The following CLN8 variants were observed in gnomAD, a reference collection of about 807,000 sequenced individuals.
CLN8 encodes CLN8 transmembrane ER and ERGIC protein.
CLN8 carries 14 observed loss-of-function variants against 15.7 expected under a neutral mutation model. That is an observed-to-expected ratio of 0.89 (90% CI 0.59 to 1.39). The LOEUF (loss-of-function observed/expected upper bound fraction) is 1.39. CLN8 is among the 40% of genes most tolerant of loss of function. CLN8 has a pLI of 0.00. For missense variants in CLN8, 415 were observed against 364.0 expected, an observed-to-expected ratio of 1.14 and a Z score of -1.14; for synonymous variants, 188 against 151.0, an observed-to-expected ratio of 1.25 and a Z score of -1.80.
intron 1 of CLN8, among the ~76,000 whole-genome samples, chr8:1,757,075 C>T (rs1365232832): frequency 1.3e-5 from 2 of 152,158 alleles, no homozygotes; most frequent in South Asian, 2.1e-4. Context: ...GGAGAGCAGG[C>T]CTATTTGGGG....
chr8:1,784,284 C>CA lies in CLN8; in HGVS notation c.*3730dup, dbSNP rs772524622. The stretch of plus-strand genomic sequence containing the variant: ...TGGGTGACACAGTGAGACTCCATCT[C>CA]AAAAAAAAAAAAAGAACGGACATCA... On this transcript the variant is annotated 3_prime_UTR_variant, in exon 3 of 3. Coordinates refer to ENST00000331222, the MANE Select transcript of CLN8 (RefSeq NM_018941.4). 0.014 allele frequency: 1,875 copies of CA among 131,784 alleles called. 22 individuals are homozygous for CA. Among genetic ancestry groups the CA allele is most frequent in the South Asian group, 0.035 (145 of 4,170 alleles). 8.2% of individuals were successfully genotyped at this position (131,784 alleles called of 1,614,324 possible). A position where few individuals can be genotyped will look rare whatever the true frequency, so the allele number is the denominator to read the frequency against.
At chr8:1,757,085 G>A (rs1273626470) in intron 1 of CLN8, among the ~76,000 whole-genome samples, 3 of 152,174 alleles carry the variant, frequency 2.0e-5, no homozygotes, top group Non-Finnish European at 2.9e-5. Flanking sequence ...CCTATTTGGG[G>A]CAGCGGAAAG....
Position 1,784,708 on chromosome 8 carries a change from G to T in CLN8, c.*4141G>T, listed in dbSNP as rs1801787075. 6.6e-6 allele frequency: 1 copy of T among 152,590 alleles called. No homozygotes were observed. The highest frequency in any genetic ancestry group is 2.4e-5 in the African/African-American group (1 of 41,470). The allele number at this position is 152,590 out of a possible 1,614,324, so 9.5% of individuals were successfully genotyped here. On this transcript the variant is annotated 3_prime_UTR_variant, in exon 3 of 3. Transcript: ENST00000331222. The stretch of plus-strand genomic sequence containing the variant: ...GCAGTAGGGAGTGGATGAACCAGTA[G>T]TACCCAGGGCTGCCAGGCAGGGCCC...
At chr8:1,773,049 C>T (rs1801376599) in intron 2 of CLN8, 3 of 397,820 alleles carry the variant, frequency 7.5e-6, no homozygotes, top group South Asian at 1.3e-4. Context: ...ACTGTTCATG[C>T]ATAACCACCA....
At chr8:1,768,324 T>A (rs1004143633) in intron 1 of CLN8, among the ~76,000 whole-genome samples, 1 of 152,172 alleles carries the variant, frequency 6.6e-6, no homozygotes, top group African/African-American at 2.4e-5. Flanking sequence ...GGTTTTTGGT[T>A]CTCATGTCCT....
At chr8:1,765,116 T>C (rs1563103299) in intron 1 of CLN8, 1 of 152,178 alleles carries the variant, frequency 6.6e-6, no homozygotes, top group Non-Finnish European at 1.5e-5. Flanking sequence ...TTCCTGAGCA[T>C]CCAGTTTCCA....
intron 2 of CLN8, among the ~76,000 whole-genome samples, chr8:1,772,313 GGTT>G (rs1377959863): frequency 1.3e-4 from 20 of 152,138 alleles, no homozygotes; most frequent in African/African-American, 4.6e-4. Flanking sequence ...TTTTGAATAA[GGTT>G]GTTGTACTAG....
At chr8:1,753,246 A>C (rs1014413766), upstream of CLN8, among the ~76,000 whole-genome samples, 2 of 152,116 alleles carry the variant, frequency 1.3e-5, no homozygotes, top group African/African-American at 4.8e-5. Flanking sequence ...CATTATTTTT[A>C]TTAGGAGTTC....
rs1563115100 is a variant in CLN8 at position 1,781,099 on chromosome 8, C to CCT, written c.*532_*533insCT. On this transcript the variant is annotated 3_prime_UTR_variant, in exon 3 of 3. Coordinates refer to ENST00000331222, the MANE Select transcript of CLN8 (RefSeq NM_018941.4). ...GCTGGGTGGGGTGGCTCACACCCGA[C>CCT]GTAATCCCAGCACGTTGGGAGGCCG... 2 of 155,136 alleles carry CCT rather than the reference C, an allele frequency of 1.3e-5. No individual in the cohort carries two copies. The highest frequency in any genetic ancestry group is 4.8e-5 in the African/African-American group (2 of 41,394). The allele number at this position is 155,136 out of a possible 1,614,324, so 9.6% of individuals were successfully genotyped here. A position where few individuals can be genotyped will look rare whatever the true frequency, so the allele number is the denominator to read the frequency against.
At position 1,780,725 on chromosome 8, in the gene CLN8, T is replaced by G. The variant is rs1431713705; in HGVS notation, c.*158T>G. The G allele has an allele frequency of 2.9e-6, 2 of 688,188 alleles. No homozygotes were observed. The highest frequency in any genetic ancestry group is 2.4e-6 in the Non-Finnish European group (1 of 416,056). 42.6% of individuals were successfully genotyped at this position (688,188 alleles called of 1,614,324 possible). ...TTTCGCATTAGTATTAATTTTGAAGTAGCTACAAAGTATTTTTAAGAAATT... is the reference window on the plus strand; with the variant it reads ...TTTCGCATTAGTATTAATTTTGAAGGAGCTACAAAGTATTTTTAAGAAATT... On this transcript the variant is annotated 3_prime_UTR_variant, in exon 3 of 3. Transcript: ENST00000331222.
rs746397087 is a variant in CLN8 at position 1,780,469 on chromosome 8, C to T, written c.763C>T (p.Gln255Ter). The T allele has an allele frequency of 1.9e-6, 3 of 1,614,256 alleles. No individual in the cohort carries two copies. Among genetic ancestry groups the T allele is most frequent in the South Asian group, 1.1e-5 (1 of 91,090 alleles). Residue 255 changes from glutamine to a stop codon, truncating the protein, a stop_gained, in exon 3 of 3, where the codon CAG (glutamine) becomes TAG (stop). Coordinates refer to ENST00000331222, the MANE Select transcript of CLN8 (RefSeq NM_018941.4). LOFTEE classifies it high-confidence loss of function. Reference sequence around the variant, plus strand: ...TCCATATTGGACCCATAAGAAGACTCAGCAGCTTCTCAATCCGGTGGACTG... The same window carrying T: ...TCCATATTGGACCCATAAGAAGACTTAGCAGCTTCTCAATCCGGTGGACTG... ...INPYWTHKKT[Q>*]QLLNPVDWNF...
At chr8:1,766,216 TC>T (rs1801049072) in intron 1 of CLN8, among the ~76,000 whole-genome samples, 1 of 152,124 alleles carries the variant, frequency 6.6e-6, no homozygotes, top group Non-Finnish European at 1.5e-5. Context: ...ATACATTTTC[TC>T]CAAAGAAAAT....
upstream of CLN8, among the ~76,000 whole-genome samples, chr8:1,753,403 TCTACTAAAA>T (rs1291071041): frequency 6.6e-6 from 1 of 151,714 alleles, no homozygotes. Flanking sequence ...AAAACCCATC[TCTACTAAAA>T]ATACAAAAAT....
Position 1,763,808 on chromosome 8 carries a change from T to A in CLN8, c.-201T>A, listed in dbSNP as rs1227922014. 4 of 149,790 alleles carry A rather than the reference T, an allele frequency of 2.7e-5. No homozygotes were observed. The highest frequency in any genetic ancestry group is 4.9e-5 in the African/African-American group (2 of 40,700). The allele number at this position is 149,790 out of a possible 1,614,324, so 9.3% of individuals were successfully genotyped here. A position where few individuals can be genotyped will look rare whatever the true frequency, so the allele number is the denominator to read the frequency against. On this transcript the variant is annotated 5_prime_UTR_variant, in exon 1 of 3. It removes an upstream start codon present in the reference 5' UTR. Coordinates refer to ENST00000331222, the MANE Select transcript of CLN8 (RefSeq NM_018941.4). ...CCGGCCAGTCGTGACTGGGCGGCAA[T>A]GAGGTCAGTGACTGCCGGGAGTCCT... is the stretch of plus-strand genomic sequence containing the variant.
chr8:1,763,268 G>GC (rs1355093815), upstream of CLN8: 1 of 151,672 alleles, frequency 6.6e-6, no homozygotes, highest in African/African-American at 2.4e-5. Flanking sequence ...CGGGTGCAGC[G>GC]CAACCAGGCT....
At chr8:1,754,830 C>G (rs111311203), upstream of CLN8, among the ~76,000 whole-genome samples, 1 of 152,192 alleles carries the variant, frequency 6.6e-6, no homozygotes, top group Admixed American at 6.5e-5. Flanking sequence ...CAGCGCATGT[C>G]TGGGTTCAGC....
chr8:1,763,644 T>G (rs377333932), upstream of CLN8: 6,810 of 14,626 alleles, frequency 0.47, 1,933 homozygotes, highest in East Asian at 0.56. Context: ...GCCGCGCCCC[T>G]CCCGCGCCCG....
chr8:1,756,479 A>C (rs1585116248), intron 1 of CLN8, among the ~76,000 whole-genome samples: 1 of 84,676 alleles, frequency 1.2e-5, no homozygotes, highest in African/African-American at 4.7e-5. Context: ...GTGAGAATCC[A>C]TCTCAAAAAA....
intron 2 of CLN8, chr8:1,779,938 G>A (rs566695730): frequency 1.0e-6 from 1 of 985,106 alleles, no homozygotes; most frequent in East Asian, 1.1e-4. Flanking sequence ...ATAAAACAAA[G>A]ATTGAAGGGA....
Sources: allele counts gnomAD v4.1 joint callset (sites outside exome capture counted in the v4.1 genomes callset), GRCh38; gene constraint gnomAD v4.1.1; transcripts MANE v1.5; gene names NCBI Gene and HGNC (gene_info 2026-07-23, HGNC 2026-07-21).